The following SGCD variants were observed in gnomAD, a reference collection of about 807,000 sequenced individuals.
The protein encoded by SGCD is sarcoglycan delta, also known as delta-sarcoglycan.
In SGCD, 18 loss-of-function variants were observed where a neutral mutation model predicts 36.6. The observed-to-expected ratio is 0.49, with a 90% CI of 0.34 to 0.73. SGCD has a LOEUF of 0.73. Ranked by LOEUF, SGCD falls within the 30% of genes least tolerant of loss-of-function variation. The probability of loss-of-function intolerance (pLI) is 0.01; values close to 1 mark genes in which losing one functional copy is unlikely to be tolerated. For synonymous variants in SGCD, 133 were observed against 130.6 expected (o/e 1.02, Z -0.12); for missense variants, 387 against 346.7 (o/e 1.12, Z -0.92).
At chr5:155,959,553 T>C (rs922427519) in intron 1 of SGCD, among the ~76,000 whole-genome samples, 1 of 152,170 alleles carries the variant, frequency 6.6e-6, no homozygotes, top group Non-Finnish European at 1.5e-5. Context: ...TTATGTTATG[T>C]TTCCTTGCTT....
chr5:156,514,630 CA>C (rs1757081991), intron 4 of SGCD, among the ~76,000 whole-genome samples: 1 of 152,156 alleles, frequency 6.6e-6, no homozygotes, highest in African/African-American at 2.4e-5. Flanking sequence ...TGAAAACCAG[CA>C]TATAGAATTA....
At chr5:155,881,860 T>C (rs1307664804) in intron 1 of SGCD, among the ~76,000 whole-genome samples, 3 of 152,216 alleles carry the variant, frequency 2.0e-5, no homozygotes, top group Non-Finnish European at 4.4e-5. Flanking sequence ...GAAACCACTT[T>C]CTTTATTTAA....
At chr5:155,833,640 C>A in the SGCD span, among the ~76,000 whole-genome samples, 1 of 152,138 alleles carries the variant, frequency 6.6e-6, no homozygotes, top group African/African-American at 2.4e-5. Flanking sequence ...GTTCATTTTG[C>A]GAGCTCCAGT....
At chr5:156,307,688 G>T in intron 3 of SGCD, among the ~76,000 whole-genome samples, 1 of 142,102 alleles carries the variant, frequency 7.0e-6, no homozygotes, top group Non-Finnish European at 1.5e-5. Context: ...TAACTATTTT[G>T]TTTATAGTTA....
At chr5:156,594,466 G>A (rs1289754429) in intron 5 of SGCD, among the ~76,000 whole-genome samples, 1 of 152,200 alleles carries the variant, frequency 6.6e-6, no homozygotes, top group Non-Finnish European at 1.5e-5. Context: ...AATGCAGCCA[G>A]TGGGTTAAGG....
chr5:156,200,109 A>G (rs548279321), intron 3 of SGCD, among the ~76,000 whole-genome samples: 10 of 152,260 alleles, frequency 6.6e-5, no homozygotes, highest in East Asian at 3.9e-4. Context: ...TGATCCGTGG[A>G]CTCAGTCCAA....
chr5:155,854,687 T>C, the SGCD span, among the ~76,000 whole-genome samples: 1 of 152,190 alleles, frequency 6.6e-6, no homozygotes, highest in East Asian at 1.9e-4. Flanking sequence ...AAAACTCTTG[T>C]AGTGTGGAAC....
intron 3 of SGCD, among the ~76,000 whole-genome samples, chr5:156,304,312 G>A (rs956474180): frequency 3.3e-5 from 5 of 152,138 alleles, no homozygotes; most frequent in African/African-American, 9.7e-5. Context: ...GAACCCGGTG[G>A]GAGGTAATTG....
intron 3 of SGCD, among the ~76,000 whole-genome samples, chr5:156,474,913 G>C (rs1755116274): frequency 6.6e-6 from 1 of 152,144 alleles, no homozygotes; most frequent in African/African-American, 2.4e-5. Flanking sequence ...TTGGTCTTCA[G>C]ACTACAGAAT....
chr5:156,072,615 T>C (rs1196534331), intron 1 of SGCD, among the ~76,000 whole-genome samples: 1 of 152,094 alleles, frequency 6.6e-6, no homozygotes, highest in South Asian at 2.1e-4. Flanking sequence ...TGTCTTGGAG[T>C]TGTTCTTCTT....
intron 1 of SGCD, among the ~76,000 whole-genome samples, chr5:156,042,879 T>TGG (rs2127578737): frequency 6.6e-6 from 1 of 152,326 alleles, no homozygotes; most frequent in South Asian, 2.1e-4. Flanking sequence ...TCAGCAGAAC[T>TGG]GGGCTCTTCT....
At chr5:156,671,274 T>TTC (rs1753281066) in intron 7 of SGCD, among the ~76,000 whole-genome samples, 3 of 10,520 alleles carry the variant, frequency 2.9e-4, no homozygotes, top group African/African-American at 4.3e-4. Flanking sequence ...TATTGATTCT[T>TTC]TTTTTTTTTT....
At chr5:156,223,482 T>C (rs148905627) in intron 3 of SGCD, among the ~76,000 whole-genome samples, 13 of 152,226 alleles carry the variant, frequency 8.5e-5, no homozygotes, top group African/African-American at 3.1e-4. Context: ...ATCAGACTTC[T>C]GGGGGCAGCG....
intron 4 of SGCD, among the ~76,000 whole-genome samples, chr5:156,569,400 TG>T (rs1759627607): frequency 6.6e-6 from 1 of 152,116 alleles, no homozygotes; most frequent in Admixed American, 6.6e-5. Flanking sequence ...AAGACCAGCC[TG>T]GCCAACATGG....
At position 156,761,461 on chromosome 5, in the gene SGCD, T is replaced by TAATA. The variant is rs2113196342; in HGVS notation, c.*2072_*2075dup. 1 of 152,290 alleles carries TAATA rather than the reference T, an allele frequency of 6.6e-6. No individual in the cohort carries two copies. The highest frequency in any genetic ancestry group is 1.5e-5 in the Non-Finnish European group (1 of 68,034). 9.4% of individuals were successfully genotyped at this position (152,290 alleles called of 1,614,324 possible). ...TCAGATTACGCTGGATCAGTATAAT[T>TAATA]AATATTCCATAGGGCCATGTTGCCA... On this transcript the variant is annotated 3_prime_UTR_variant, in exon 9 of 9. Coordinates refer to ENST00000337851, the MANE Select transcript of SGCD (RefSeq NM_000337.6).
At chr5:156,714,434 A>C (rs1755132606) in intron 7 of SGCD, among the ~76,000 whole-genome samples, 1 of 152,254 alleles carries the variant, frequency 6.6e-6, no homozygotes, top group South Asian at 2.1e-4. Flanking sequence ...AAGCTTCATC[A>C]AACATGAGGT....
chr5:156,133,086 A>G (rs146269695), intron 3 of SGCD, among the ~76,000 whole-genome samples: 55 of 152,262 alleles, frequency 3.6e-4, no homozygotes, highest in African/African-American at 1.2e-3. Flanking sequence ...TTTGGATCTC[A>G]ATTTCCTCGA....
intron 4 of SGCD, among the ~76,000 whole-genome samples, chr5:156,517,646 C>G (rs256833): frequency 0.16 from 24,105 of 152,134 alleles, 2,199 homozygotes; most frequent in Non-Finnish European, 0.2. Flanking sequence ...AGCAGACCCC[C>G]CTCAGCAGAA....
intron 1 of SGCD, among the ~76,000 whole-genome samples, chr5:156,027,938 A>G (rs1015595484): frequency 3.3e-5 from 5 of 152,166 alleles, no homozygotes; most frequent in African/African-American, 1.2e-4. Context: ...TAAACACTGT[A>G]TACTCATATG....
Sources: allele counts gnomAD v4.1 joint callset (sites outside exome capture counted in the v4.1 genomes callset), GRCh38; gene constraint gnomAD v4.1.1; transcripts MANE v1.5; gene names NCBI Gene and HGNC (gene_info 2026-07-23, HGNC 2026-07-21).